Variants in SUGCT observed in about 807,000 individuals in gnomAD.
The protein encoded by SUGCT is succinyl-CoA:glutarate-CoA transferase, also known as succinyl-CoA:glutarate CoA-transferase.
In SUGCT, 41 loss-of-function variants were observed where a neutral mutation model predicts 55.0. The observed-to-expected ratio is 0.74, with a 90% CI of 0.58 to 0.97. The LOEUF is 0.97. SUGCT is among the 50% of genes least tolerant of loss of function. The pLI, the probability that SUGCT is intolerant of heterozygous loss-of-function variation, is 0.00. For synonymous variants in SUGCT, 187 were observed against 200.4 expected, an observed-to-expected ratio of 0.93 and a Z score of 0.56; for missense variants, 568 against 547.8, an observed-to-expected ratio of 1.04 and a Z score of -0.37.
At chr7:40,568,625 T>C (rs547357849) in intron 12 of SUGCT, among the ~76,000 whole-genome samples, 183 of 152,328 alleles carry the variant, frequency 1.2e-3, no homozygotes, top group Non-Finnish European at 2.0e-3. Context: ...CCATGAAGCA[T>C]GGCTTGTCCA....
At chr7:40,615,518 G>A (rs1798959201) in intron 12 of SUGCT, among the ~76,000 whole-genome samples, 1 of 152,144 alleles carries the variant, frequency 6.6e-6, no homozygotes, top group African/African-American at 2.4e-5. Flanking sequence ...GAAGGCCTTG[G>A]TGACCTTGTT....
the SUGCT span, among the ~76,000 whole-genome samples, chr7:40,986,607 G>A: frequency 6.6e-6 from 1 of 152,184 alleles, no homozygotes; most frequent in East Asian, 1.9e-4. Context: ...GACGTGTGCT[G>A]TAATTCTAAG....
At chr7:40,855,329 C>CT (rs1299949359) in intron 13 of SUGCT, among the ~76,000 whole-genome samples, 4 of 150,848 alleles carry the variant, frequency 2.7e-5, no homozygotes, top group Admixed American at 6.6e-5. Context: ...CTTTTTGCCT[C>CT]TTTTTTCCTG....
At chr7:40,331,469 A>G (rs1796308093) in intron 9 of SUGCT, among the ~76,000 whole-genome samples, 3 of 152,306 alleles carry the variant, frequency 2.0e-5, no homozygotes, top group Middle Eastern at 6.8e-3. Context: ...AAATAGGTAT[A>G]TTACTACCTG....
chr7:40,961,541 CTCT>C, the SUGCT span, among the ~76,000 whole-genome samples: 4 of 152,228 alleles, frequency 2.6e-5, no homozygotes, highest in South Asian at 8.3e-4. Flanking sequence ...AAAATCCCAG[CTCT>C]TCTTCATTTG....
chr7:40,706,388 T>A (rs940801022), intron 12 of SUGCT, among the ~76,000 whole-genome samples: 43 of 152,030 alleles, frequency 2.8e-4, no homozygotes, highest in African/African-American at 1.0e-3. Flanking sequence ...ACACCTGTAG[T>A]CCCATCTACT....
intron 11 of SUGCT, among the ~76,000 whole-genome samples, chr7:40,491,731 C>T (rs908199335): frequency 6.6e-6 from 1 of 151,984 alleles, no homozygotes; most frequent in African/African-American, 2.4e-5. Context: ...TGGCTCATGC[C>T]TGTAATTCCA....
chr7:40,948,872 G>A, the SUGCT span, among the ~76,000 whole-genome samples: 844 of 152,206 alleles, frequency 5.5e-3, 8 homozygotes, highest in African/African-American at 0.019. Context: ...CATTTCAGTT[G>A]GTTCCAAGTC....
the SUGCT span, among the ~76,000 whole-genome samples, chr7:41,007,125 A>G: frequency 6.6e-6 from 1 of 152,106 alleles, no homozygotes; most frequent in African/African-American, 2.4e-5. Flanking sequence ...GAGTGGAAAC[A>G]AATCCTATTT....
intron 9 of SUGCT, among the ~76,000 whole-genome samples, chr7:40,329,272 A>T (rs1052826387): frequency 6.6e-6 from 1 of 152,178 alleles, no homozygotes; most frequent in African/African-American, 2.4e-5. Flanking sequence ...AGCCTGTAAG[A>T]TGTTAAGTAC....
chr7:40,424,736 G>A (rs926346084), intron 9 of SUGCT, among the ~76,000 whole-genome samples: 1 of 152,134 alleles, frequency 6.6e-6, no homozygotes, highest in African/African-American at 2.4e-5. Flanking sequence ...GCAGAGCAGA[G>A]TTTGACAGAC....
At chr7:40,890,488 A>G in the SUGCT span, among the ~76,000 whole-genome samples, 1 of 151,606 alleles carries the variant, frequency 6.6e-6, no homozygotes, top group South Asian at 2.1e-4. Flanking sequence ...CTTCTGCCCC[A>G]TCTGAGGACT....
Position 40,237,372 on chromosome 7 carries a change from A to T in SUGCT, c.485-263A>T, listed in dbSNP as rs184282612. On this transcript the variant is annotated intron_variant, in intron 6 of 13. Coordinates refer to ENST00000335693, the MANE Select transcript of SUGCT (RefSeq NM_001193313.2). ...GGAAGGAGAATCACTTGAACCTGGG[A>T]GGTGGAGGTTGCAGTGAGCCGAGAT... Among the ~76,000 whole-genome samples, 611 of 152,048 alleles carry T rather than the reference A, an allele frequency of 4.0e-3. 3 individuals carry two copies. The highest frequency in any genetic ancestry group is 0.014 in the African/African-American group (577 of 41,522).
intron 6 of SUGCT, among the ~76,000 whole-genome samples, chr7:40,233,047 T>C (rs1332648904): frequency 6.6e-6 from 1 of 152,022 alleles, no homozygotes; most frequent in African/African-American, 2.4e-5. Context: ...ACCAACAGAG[T>C]AATCTTAGTA....
At chr7:40,203,675 T>C (rs1047809415) in intron 6 of SUGCT, among the ~76,000 whole-genome samples, 1 of 151,540 alleles carries the variant, frequency 6.6e-6, no homozygotes. Context: ...CTTGGGAGAC[T>C]GAGGCATGAG....
At chr7:40,821,344 A>G (rs1584488888) in intron 13 of SUGCT, among the ~76,000 whole-genome samples, 2 of 152,294 alleles carry the variant, frequency 1.3e-5, no homozygotes, top group Admixed American at 1.3e-4. Flanking sequence ...GAATGGTACC[A>G]GCTCCTCCTC....
intron 7 of SUGCT, among the ~76,000 whole-genome samples, chr7:40,242,781 A>G (rs1789493327): frequency 6.6e-6 from 1 of 151,102 alleles, no homozygotes; most frequent in Non-Finnish European, 1.5e-5. Flanking sequence ...CCTCAGTAAG[A>G]TGTAAGCCTC....
chr7:40,424,693 A>G (rs1787492692), intron 9 of SUGCT, among the ~76,000 whole-genome samples: 1 of 152,184 alleles, frequency 6.6e-6, no homozygotes, highest in Admixed American at 6.6e-5. Context: ...AATAGTGAGT[A>G]GATTTATTTT....
the SUGCT span, among the ~76,000 whole-genome samples, chr7:41,015,774 T>C: frequency 6.1e-4 from 93 of 152,314 alleles, no homozygotes; most frequent in Admixed American, 2.5e-3. Context: ...TGAGTGATTT[T>C]ATTTCTAGAT....
Sources: gnomAD v4.1 joint callset for allele counts (sites outside exome capture counted in the v4.1 genomes callset) on GRCh38, gnomAD v4.1.1 for gene constraint, MANE v1.5 for transcripts, NCBI Gene and HGNC (gene_info 2026-07-23, HGNC 2026-07-21) for gene names.